Variants in SPAG16 observed in about 807,000 individuals in gnomAD.
SPAG16 encodes sperm associated antigen 16, also known as sperm-associated antigen 16 protein.
SPAG16 carries 86 observed loss-of-function variants against 80.4 expected under a neutral mutation model. The ratio of observed to expected loss-of-function variants is 1.07; its 90% CI spans 0.90 to 1.28. The LOEUF (loss-of-function observed/expected upper bound fraction) is 1.28. Among genes scored for constraint, SPAG16 ranks in the 50% most tolerant of loss-of-function variants. The probability of loss-of-function intolerance (pLI) is 0.00; values close to 1 mark genes in which losing one functional copy is unlikely to be tolerated. For synonymous variants in SPAG16, 294 were observed against 265.9 expected (o/e 1.11, Z -1.03); for missense variants, 870 against 765.3 (o/e 1.14, Z -1.61).
intron 12 of SPAG16, among the ~76,000 whole-genome samples, chr2:213,968,664 G>A (rs187327637): frequency 7.9e-5 from 12 of 152,234 alleles, no homozygotes; most frequent in South Asian, 4.1e-4. Flanking sequence ...CAAATTTGAC[G>A]TAAAAAGTCC....
intron 15 of SPAG16, among the ~76,000 whole-genome samples, chr2:214,408,288 T>G (rs1229279831): frequency 1.3e-5 from 2 of 152,150 alleles, no homozygotes; most frequent in Non-Finnish European, 2.9e-5. Context: ...ACTTTTCAGC[T>G]GTTGTATAAA....
At chr2:214,166,275 A>T (rs1255062739) in intron 15 of SPAG16, among the ~76,000 whole-genome samples, 1 of 152,076 alleles carries the variant, frequency 6.6e-6, no homozygotes, top group African/African-American at 2.4e-5. Context: ...CATCCATTCT[A>T]TGTTCTTCTC....
chr2:213,965,470 G>A (rs531366961), intron 12 of SPAG16, among the ~76,000 whole-genome samples: 3 of 152,228 alleles, frequency 2.0e-5, no homozygotes, highest in South Asian at 2.1e-4. Context: ...GAATACCTCA[G>A]GGCATAAGTT....
intron 10 of SPAG16, among the ~76,000 whole-genome samples, chr2:213,728,004 A>G (rs1463675641): frequency 1.3e-5 from 2 of 150,870 alleles, no homozygotes. Flanking sequence ...ACCCGCCACC[A>G]CTCTCGGTTA....
chr2:214,344,336 G>C (rs1235766530), intron 15 of SPAG16, among the ~76,000 whole-genome samples: 1 of 152,094 alleles, frequency 6.6e-6, no homozygotes. Flanking sequence ...GCTTCAACTT[G>C]ACTCTGCTTT....
chr2:214,337,748 C>T (rs12105206), intron 15 of SPAG16, among the ~76,000 whole-genome samples: 48,633 of 152,052 alleles, frequency 0.32, 12,372 homozygotes, highest in African/African-American at 0.71. Context: ...GGTTGATTTT[C>T]AGCCATAGTG....
intron 9 of SPAG16, among the ~76,000 whole-genome samples, chr2:213,432,825 G>A (rs891428912): frequency 2.6e-5 from 4 of 151,984 alleles, no homozygotes; most frequent in African/African-American, 9.7e-5. Flanking sequence ...CAAATATCCC[G>A]AGTGAACAAA....
At chr2:213,468,557 A>G (rs1011407052) in intron 9 of SPAG16, among the ~76,000 whole-genome samples, 10 of 131,178 alleles carry the variant, frequency 7.6e-5, no homozygotes, top group African/African-American at 3.7e-4. Flanking sequence ...GTATTTATAT[A>G]TAGAGATATA....
intron 15 of SPAG16, among the ~76,000 whole-genome samples, chr2:214,207,045 G>T (rs2058165273): frequency 6.6e-6 from 1 of 152,164 alleles, no homozygotes; most frequent in African/African-American, 2.4e-5. Flanking sequence ...GACTATTAAA[G>T]AGGTAGTTTC....
intron 10 of SPAG16, among the ~76,000 whole-genome samples, chr2:213,542,529 ATTAC>A (rs1404955289): frequency 6.6e-5 from 10 of 152,132 alleles, no homozygotes; most frequent in Admixed American, 2.0e-4. Flanking sequence ...AAGTTTTTCA[ATTAC>A]TTACCCTCAC....
At chr2:213,429,948 AC>A (rs2070188250) in intron 9 of SPAG16, among the ~76,000 whole-genome samples, 1 of 152,268 alleles carries the variant, frequency 6.6e-6, no homozygotes, top group Admixed American at 6.5e-5. Flanking sequence ...GTAATGATAC[AC>A]ATAAAGAAAC....
intron 15 of SPAG16, among the ~76,000 whole-genome samples, chr2:214,278,188 C>T (rs1036603203): frequency 1.3e-5 from 2 of 152,148 alleles, no homozygotes; most frequent in Non-Finnish European, 2.9e-5. Context: ...AGTATTTAGG[C>T]GGGAGTGCCC....
intron 12 of SPAG16, among the ~76,000 whole-genome samples, chr2:214,002,568 C>A (rs1460524669): frequency 1.3e-5 from 2 of 152,046 alleles, no homozygotes; most frequent in Non-Finnish European, 2.9e-5. Context: ...GGCAGGAAGT[C>A]CCACGATGTG....
chr2:214,230,141 C>T (rs1218932839), intron 15 of SPAG16, among the ~76,000 whole-genome samples: 2 of 151,888 alleles, frequency 1.3e-5, no homozygotes, highest in Non-Finnish European at 2.9e-5. Context: ...AATTATTTCA[C>T]AACAGTGAAC....
intron 15 of SPAG16, among the ~76,000 whole-genome samples, chr2:214,205,129 T>C (rs2058105609): frequency 6.6e-6 from 1 of 151,936 alleles, no homozygotes. Flanking sequence ...CTCAAGAGGC[T>C]GGGAGAATTG....
chr2:213,333,122 C>T (rs1484437259), intron 5 of SPAG16, among the ~76,000 whole-genome samples: 2 of 151,962 alleles, frequency 1.3e-5, no homozygotes, highest in Non-Finnish European at 2.9e-5. Flanking sequence ...CCTAAAGTAT[C>T]CACCAAAAAA....
intron 15 of SPAG16, among the ~76,000 whole-genome samples, chr2:214,203,353 G>C (rs1195591023): frequency 1.3e-5 from 2 of 152,180 alleles, no homozygotes; most frequent in East Asian, 1.9e-4. Flanking sequence ...CCAGTGGATA[G>C]AGCAGCATGT....
Position 213,833,548 on chromosome 2 carries a change from A to AT in SPAG16, c.1071-28937_1071-28936insT, listed in dbSNP as rs374240295. On this transcript the variant is annotated intron_variant, in intron 10 of 15. Coordinates refer to ENST00000331683, the MANE Select transcript of SPAG16 (RefSeq NM_024532.5). ...TATATATATTATATATAATATATAT[A>AT]ATATATATAATATATATAATATATA... 3.7e-3 allele frequency among the ~76,000 whole-genome samples: 3 copies of AT among 804 alleles called. 1 individual carries two copies. The highest frequency in any genetic ancestry group is 0.016 in the African/African-American group (3 of 188). 0.5% of individuals were successfully genotyped at this position (804 alleles called of 152,430 possible).
intron 14 of SPAG16, among the ~76,000 whole-genome samples, chr2:214,131,790 G>A (rs987591928): frequency 3.3e-5 from 5 of 152,178 alleles, no homozygotes; most frequent in Non-Finnish European, 5.9e-5. Flanking sequence ...ATCAGTGGTT[G>A]CCAGGGGCTG....
Sources: gnomAD v4.1 joint callset for allele counts (sites outside exome capture counted in the v4.1 genomes callset) on GRCh38, gnomAD v4.1.1 for gene constraint, MANE v1.5 for transcripts, NCBI Gene and HGNC (gene_info 2026-07-23, HGNC 2026-07-21) for gene names.